PCDH7: variants seen among roughly 807,000 people sequenced by gnomAD.
PCDH7 encodes the protein protocadherin 7.
Under a neutral mutation model 58.9 loss-of-function variants are expected in PCDH7, and 17 were observed. The ratio of observed to expected loss-of-function variants is 0.29; its 90% CI spans 0.20 to 0.43. PCDH7 has a LOEUF of 0.43. Among genes scored for constraint, PCDH7 ranks in the 20% least tolerant of loss-of-function variants. The pLI is 1.00. For missense variants in PCDH7, 1,274 were observed against 1,441.0 expected (o/e 0.88, Z 1.88); for synonymous variants, 664 against 616.4 (o/e 1.08, Z -1.14).
chr4:31,120,037 C>G (rs759316420), intron 3 of PCDH7, among the ~76,000 whole-genome samples: 2 of 150,526 alleles, frequency 1.3e-5, no homozygotes, highest in Non-Finnish European at 3.0e-5. Context: ...TGACAACTAC[C>G]TGACCATCAC....
chr4:31,126,455 C>T (rs1718322231), intron 3 of PCDH7, among the ~76,000 whole-genome samples: 1 of 152,118 alleles, frequency 6.6e-6, no homozygotes, highest in Admixed American at 6.6e-5. Flanking sequence ...CCACCTCACG[C>T]AGGCAATTTA....
At chr4:30,935,427 T>G (rs563650464) in intron 2 of PCDH7, 1 of 338,532 alleles carries the variant, frequency 3.0e-6, no homozygotes, top group South Asian at 1.2e-4. Context: ...CTAACTACCA[T>G]GAACAAGTTC....
rs1010481657 is a variant in PCDH7, at chr4:30,742,582, G to T, written c.70+17986G>T. Among the ~76,000 whole-genome samples, 8 of 152,182 alleles carry T rather than the reference G, an allele frequency of 5.3e-5. No individual in the cohort carries two copies. The South Asian group carries it at 6.2e-4, about 12-fold the overall frequency. On this transcript the variant is annotated intron_variant, in intron 1 of 3. Coordinates refer to the PCDH7 transcript ENST00000509759. ...GATGCTGTGCAAAGAAAATGAGAGT[G>T]ATTTGTGTGAAGCCTAAACAAAGGA...
chr4:30,721,513 A>G lies in PCDH7; in HGVS notation c.91A>G (p.Lys31Glu). 6.2e-7 allele frequency: 1 copy of G among 1,600,440 alleles called. No individual in the cohort carries two copies. The highest frequency in any genetic ancestry group is 8.5e-7 in the Non-Finnish European group (1 of 1,178,972). ...GCTCTCGCTCAGCCTGGCGGCCGCCAAGCAGCTCCTCCGGTACCGGCTGGC... is the reference window on the plus strand; with the variant it reads ...GCTCTCGCTCAGCCTGGCGGCCGCCGAGCAGCTCCTCCGGTACCGGCTGGC... The change falls in exon 1 of 2, where the codon AAG becomes GAG. Residue 31 changes from lysine to glutamate, a missense_variant. Physicochemically the swap from Lys to Glu is moderately conservative, Grantham distance 56 (BLOSUM62 1). Transcript: ENST00000361762. This position sits in a 1 kb window ranked among gnomAD's most constrained non-coding sequence, Gnocchi z 6.7.
chr4:30,955,497 T>C (rs1470589547), intron 3 of PCDH7, among the ~76,000 whole-genome samples: 3 of 68,386 alleles, frequency 4.4e-5, no homozygotes, highest in Admixed American at 1.5e-4. Flanking sequence ...TATTTTATTA[T>C]TGTATTTTAT....
intron 3 of PCDH7, among the ~76,000 whole-genome samples, chr4:31,096,092 A>C (rs901763940): frequency 6.6e-6 from 1 of 152,152 alleles, no homozygotes; most frequent in East Asian, 1.9e-4. Context: ...CACTGATAAG[A>C]TATAGCTCAT....
intron 2 of PCDH7, among the ~76,000 whole-genome samples, chr4:30,923,560 A>G (rs1162435021): frequency 6.6e-6 from 1 of 152,156 alleles, no homozygotes; most frequent in Admixed American, 6.5e-5. Flanking sequence ...AAAAGAATAT[A>G]CCATAAGAAT....
At chr4:30,993,008 A>G (rs1347622676) in intron 3 of PCDH7, among the ~76,000 whole-genome samples, 1 of 152,078 alleles carries the variant, frequency 6.6e-6, no homozygotes, top group Non-Finnish European at 1.5e-5. Context: ...CAGGTTGGCC[A>G]GGCTGGTCTC....
At chr4:31,125,536 T>C (rs1013295224) in intron 3 of PCDH7, among the ~76,000 whole-genome samples, 1 of 152,236 alleles carries the variant, frequency 6.6e-6, no homozygotes, top group Non-Finnish European at 1.5e-5. Context: ...TTTTGGACTT[T>C]ATGATAGTGT....
intron 3 of PCDH7, among the ~76,000 whole-genome samples, chr4:31,102,125 T>G (rs1714968644): frequency 6.6e-6 from 1 of 152,122 alleles, no homozygotes; most frequent in Admixed American, 6.5e-5. Flanking sequence ...ATTGTTACTG[T>G]AAATGAAAAC....
At chr4:31,113,831 CTTT>C (rs35105911) in intron 3 of PCDH7, among the ~76,000 whole-genome samples, 238 of 107,484 alleles carry the variant, frequency 2.2e-3, no homozygotes, top group Non-Finnish European at 3.6e-3. Context: ...GTTAACCTTT[CTTT>C]TTTTTTTTTT....
intron 1 of PCDH7, among the ~76,000 whole-genome samples, chr4:30,865,332 A>G (rs1006160213): frequency 3.3e-5 from 5 of 152,078 alleles, no homozygotes; most frequent in Admixed American, 2.0e-4. Context: ...AGAGTGATCG[A>G]TATTTATAGG....
At chr4:30,783,275 T>A (rs1040835523) in intron 1 of PCDH7, 1 of 152,186 alleles carries the variant, frequency 6.6e-6, no homozygotes, top group Non-Finnish European at 1.5e-5. Flanking sequence ...CTATTATGCA[T>A]TTATGCTCTA....
At chr4:31,103,600 G>A (rs1715176471) in intron 3 of PCDH7, among the ~76,000 whole-genome samples, 1 of 152,098 alleles carries the variant, frequency 6.6e-6, no homozygotes, top group South Asian at 2.1e-4. Context: ...AGCTCCCAAA[G>A]TGCTGGGATT....
At chr4:31,128,672 C>T (rs76492651) in intron 3 of PCDH7, among the ~76,000 whole-genome samples, 1,843 of 152,256 alleles carry the variant, frequency 0.012, 18 homozygotes, top group Middle Eastern at 0.024. Context: ...TGTGTATTTC[C>T]TTGTGACCAC....
chr4:31,016,792 TG>T (rs1185470130), intron 3 of PCDH7, among the ~76,000 whole-genome samples: 1 of 151,686 alleles, frequency 6.6e-6, no homozygotes, highest in Admixed American at 6.6e-5. Context: ...ATTGTGTGTG[TG>T]TGTGTGCGTG....
rs570586260 is a variant in PCDH7, at chr4:30,841,234, A to G, written c.71-78919A>G. On this transcript the variant is annotated intron_variant, in intron 1 of 3. Transcript: ENST00000509759. ...TAGATTAAGACAGTCACAAAGAAAGACAATGAAAAAAAGTCACTTATTTTA... is the reference window on the plus strand; with the variant it reads ...TAGATTAAGACAGTCACAAAGAAAGGCAATGAAAAAAAGTCACTTATTTTA... 2.0e-5 allele frequency among the ~76,000 whole-genome samples: 3 copies of G among 152,240 alleles called. 1 individual carries two copies. In the South Asian group the frequency reaches 6.2e-4, roughly 32 times the overall value.
chr4:31,054,140 G>A (rs1386296721), intron 3 of PCDH7, among the ~76,000 whole-genome samples: 4 of 151,908 alleles, frequency 2.6e-5, no homozygotes, highest in African/African-American at 9.7e-5. Flanking sequence ...CAATTTTTGT[G>A]TTTTTGTAGA....
intron 3 of PCDH7, among the ~76,000 whole-genome samples, chr4:31,003,957 A>T (rs1164780542): frequency 6.6e-6 from 1 of 152,138 alleles, no homozygotes; most frequent in Non-Finnish European, 1.5e-5. Flanking sequence ...TCTTTTGTAC[A>T]GACCTGACAT....
Sources: allele counts gnomAD v4.1 joint callset (sites outside exome capture counted in the v4.1 genomes callset), GRCh38; gene constraint gnomAD v4.1.1; non-coding constraint Gnocchi (gnomAD v3.1); transcripts MANE v1.5; gene names NCBI Gene and HGNC (gene_info 2026-07-23, HGNC 2026-07-21).